Variants in PCDHA12 observed in about 807,000 individuals in gnomAD.
The protein encoded by PCDHA12 is protocadherin alpha 12, also known as protocadherin alpha-12.
Under a neutral mutation model 60.0 loss-of-function variants are expected in PCDHA12, and 44 were observed. The observed-to-expected ratio is 0.73, with a 90% CI of 0.58 to 0.94. PCDHA12 has a LOEUF of 0.94. Among genes scored for constraint, PCDHA12 ranks in the 40% least tolerant of loss-of-function variants. The pLI is 0.00. For synonymous variants in PCDHA12, 569 were observed against 553.0 expected (o/e 1.03, Z -0.40); for missense variants, 1,276 against 1,239.7 (o/e 1.03, Z -0.44).
intron 1 of PCDHA12, among the ~76,000 whole-genome samples, chr5:140,921,145 T>G (rs2080047732): frequency 4.1e-5 from 1 of 24,298 alleles, no homozygotes; most frequent in Admixed American, 5.4e-4. Flanking sequence ...TACACCCAGC[T>G]AATGCATTTT....
intron 1 of PCDHA12, among the ~76,000 whole-genome samples, chr5:140,940,086 A>G (rs373629874): frequency 6.6e-6 from 1 of 152,214 alleles, no homozygotes; most frequent in African/African-American, 2.4e-5. Flanking sequence ...TTTCTGCTAA[A>G]TTGAAACTTT....
Position 140,876,847 on chromosome 5 carries a change from G to T in PCDHA12, c.1375G>T (p.Glu459Ter). 1 of 1,614,140 alleles carries T rather than the reference G, an allele frequency of 6.2e-7. No individual in the cohort carries two copies. Among genetic ancestry groups the T allele is most frequent in the Non-Finnish European group, 8.5e-7 (1 of 1,180,006 alleles). ...CAATGCGCCTGCGTTCGCGCAGCCC[G>T]AGTACACAGTGTTCGTGAAGGAGAA... is the stretch of plus-strand genomic sequence containing the variant. ...NDNAPAFAQP[E>*]YTVFVKENNP... Residue 459 changes from glutamate to a stop codon, truncating the protein, a stop_gained, in exon 1 of 4, where the codon GAG becomes TAG. Transcript: ENST00000398631. LOFTEE classifies it high-confidence loss of function.
At chr5:140,926,964 C>T (rs149218057) in intron 1 of PCDHA12, 1 of 1,606,346 alleles carries the variant, frequency 6.2e-7, no homozygotes, top group Non-Finnish European at 8.5e-7. Flanking sequence ...AGCTCGAGTA[C>T]TCAGTGCCGG....
chr5:140,960,397 G>A (rs1322659184), intron 1 of PCDHA12, among the ~76,000 whole-genome samples: 1 of 152,102 alleles, frequency 6.6e-6, no homozygotes, highest in African/African-American at 2.4e-5. Flanking sequence ...AGGATGCAAG[G>A]GGGGGTGCCC....
chr5:140,917,955 C>T (rs1439909877), intron 1 of PCDHA12, among the ~76,000 whole-genome samples: 1 of 151,916 alleles, frequency 6.6e-6, no homozygotes, highest in Admixed American at 6.6e-5. Context: ...TTGATAGGAA[C>T]ATCATTGAAT....
chr5:140,942,497 G>A (rs189402882), intron 1 of PCDHA12, among the ~76,000 whole-genome samples: 1 of 152,040 alleles, frequency 6.6e-6, no homozygotes, highest in Admixed American at 6.6e-5. Context: ...TAAATACATG[G>A]TATCTAGGAA....
At chr5:140,998,014 C>T (rs1554256135) in intron 3 of PCDHA12, among the ~76,000 whole-genome samples, 1 of 152,162 alleles carries the variant, frequency 6.6e-6, no homozygotes, top group Non-Finnish European at 1.5e-5. Context: ...TCCATCCCCA[C>T]CTCGAGCTAG....
chr5:140,986,366 G>A (rs149115330), intron 3 of PCDHA12, among the ~76,000 whole-genome samples: 226 of 152,252 alleles, frequency 1.5e-3, no homozygotes, highest in African/African-American at 5.1e-3. Context: ...GGAGGAATGC[G>A]TTTTGGGGGG....
In PCDHA12 at chr5:140,983,053, C is replaced by T. The variant is rs571565176; in HGVS notation, c.2515+490C>T. 3.3e-5 allele frequency among the ~76,000 whole-genome samples: 5 copies of T among 151,988 alleles called. No homozygotes were observed. In the East Asian group the frequency reaches 5.8e-4, roughly 18 times the overall value. On this transcript the variant is annotated intron_variant, in intron 3 of 3. Transcript: ENST00000398631. ...GTTTCTCATGGAAGTGGAAAATTAT[C>T]GGAACCAAGGCATTGTTTTGAGTTC...
chr5:140,883,804 G>T (rs373228578), intron 1 of PCDHA12: 1 of 1,612,420 alleles, frequency 6.2e-7, no homozygotes, highest in African/African-American at 1.3e-5. Context: ...CGGTGCACGC[G>T]GAGAGCGGCA....
intron 1 of PCDHA12, among the ~76,000 whole-genome samples, chr5:140,909,201 C>G (rs1379290108): frequency 6.6e-6 from 1 of 152,136 alleles, no homozygotes; most frequent in Non-Finnish European, 1.5e-5. Flanking sequence ...GACACAAAGC[C>G]GGAGAGTTGA....
intron 1 of PCDHA12, among the ~76,000 whole-genome samples, chr5:140,952,614 T>C (rs1381315866): frequency 6.6e-6 from 1 of 152,170 alleles, no homozygotes; most frequent in African/African-American, 2.4e-5. Flanking sequence ...CTCTCCCTCA[T>C]CTTCCCTCCA....
intron 1 of PCDHA12, among the ~76,000 whole-genome samples, chr5:140,912,772 A>T (rs897864498): frequency 1.3e-5 from 2 of 152,190 alleles, no homozygotes; most frequent in South Asian, 4.1e-4. Flanking sequence ...ACTTTGAGGT[A>T]TGTCCCTTCT....
intron 1 of PCDHA12, among the ~76,000 whole-genome samples, chr5:140,952,792 T>C (rs2094798499): frequency 6.6e-6 from 1 of 152,210 alleles, no homozygotes; most frequent in African/African-American, 2.4e-5. Flanking sequence ...GAGGTTTAAC[T>C]GGCTCGCAGT....
intron 1 of PCDHA12, among the ~76,000 whole-genome samples, chr5:140,938,027 T>C (rs1372788447): frequency 6.6e-6 from 1 of 152,220 alleles, no homozygotes; most frequent in Non-Finnish European, 1.5e-5. Flanking sequence ...TAAAATCTCA[T>C]ATTTTTATAT....
At chr5:140,954,367 C>T (rs246024) in intron 1 of PCDHA12, among the ~76,000 whole-genome samples, 85,692 of 152,060 alleles carry the variant, frequency 0.56, 24,769 homozygotes, top group African/African-American at 0.69. Context: ...CACACAGTCT[C>T]CCACAATGAG....
At chr5:140,946,097 C>T (rs1452170851) in intron 1 of PCDHA12, among the ~76,000 whole-genome samples, 1 of 151,826 alleles carries the variant, frequency 6.6e-6, no homozygotes, top group Admixed American at 6.6e-5. Context: ...AAGGAGTTAA[C>T]ATACCAAATA....
chr5:140,947,738 T>C (rs2153680991), intron 1 of PCDHA12, among the ~76,000 whole-genome samples: 1 of 151,740 alleles, frequency 6.6e-6, no homozygotes, highest in South Asian at 2.1e-4. Context: ...GTAATACCTA[T>C]TCTTATGTAT....
At chr5:140,959,886 G>A (rs1171381497) in intron 1 of PCDHA12, among the ~76,000 whole-genome samples, 1 of 152,194 alleles carries the variant, frequency 6.6e-6, no homozygotes, top group Non-Finnish European at 1.5e-5. Flanking sequence ...GAATACACGA[G>A]TGGGATTTAT....
Sources: gnomAD v4.1 joint callset for allele counts (sites outside exome capture counted in the v4.1 genomes callset) on GRCh38, gnomAD v4.1.1 for gene constraint, MANE v1.5 for transcripts, NCBI Gene and HGNC (gene_info 2026-07-23, HGNC 2026-07-21) for gene names.